SPINK8: variants seen among roughly 807,000 people sequenced by gnomAD.
SPINK8 encodes serine peptidase inhibitor Kazal type 8 (putative), also known as serine protease inhibitor Kazal-type 8.
Under a neutral mutation model 14.4 loss-of-function variants are expected in SPINK8, and 12 were observed. That is an observed-to-expected ratio of 0.83 (90% CI 0.53 to 1.35). SPINK8 has a LOEUF of 1.35. SPINK8 is among the 40% of genes most tolerant of loss of function. The probability of loss-of-function intolerance (pLI) is 0.00; values close to 1 mark genes in which losing one functional copy is unlikely to be tolerated. For missense variants in SPINK8, 103 were observed against 117.0 expected (o/e 0.88, Z 0.55); for synonymous variants, 32 against 37.6 (o/e 0.85, Z 0.55).
Position 48,329,146 on chromosome 3 carries a change from A to G in SPINK8, c.-14+7T>C, listed in dbSNP as rs1232505612. Among the ~76,000 whole-genome samples the G allele has an allele frequency of 6.6e-6, 1 of 152,212 alleles. No homozygotes were observed. The highest frequency in any genetic ancestry group is 6.5e-5 in the Admixed American group (1 of 15,284). On this transcript the variant is annotated splice_region_variant and intron_variant, in intron 3 of 7. Coordinates refer to ENST00000434006, the MANE Select transcript of SPINK8 (RefSeq NM_001080525.3). The stretch of plus-strand genomic sequence containing the variant: ...TAAAAGTTTGCAAATTAAGAAGTCC[A>G]CTTTACCTGCTGTGACTCCCATGGT...
intron 7 of SPINK8, 67 bp from the exon 8 acceptor site, chr3:48,307,070 G>C: frequency 6.8e-7 from 1 of 1,476,484 alleles, no homozygotes; most frequent in Admixed American, 1.8e-5. Flanking sequence ...CACCACACTG[G>C]TAAACACAAC....
At chr3:48,308,764 T>G (rs2035883641) in intron 7 of SPINK8, among the ~76,000 whole-genome samples, 1 of 152,256 alleles carries the variant, frequency 6.6e-6, no homozygotes, top group Non-Finnish European at 1.5e-5. Context: ...TAGAACACTT[T>G]GAACACCATT....
Position 48,329,225 on chromosome 3 carries a change from T to C in SPINK8, c.-86A>G, listed in dbSNP as rs992732305. On this transcript the variant is annotated 5_prime_UTR_variant, in exon 3 of 8. Transcript: ENST00000434006. Reference sequence around the variant, plus strand: ...GTTTTTGTTGATAGTTTGTTCATAATGAACTAGGAAGGAAGGCAAAGCTTA... The same window carrying C: ...GTTTTTGTTGATAGTTTGTTCATAACGAACTAGGAAGGAAGGCAAAGCTTA... Among the ~76,000 whole-genome samples, 1 of 152,244 alleles carries C rather than the reference T, an allele frequency of 6.6e-6. No individual in the cohort carries two copies. The highest frequency in any genetic ancestry group is 2.4e-5 in the African/African-American group (1 of 41,460).
intron 2 of SPINK8, among the ~76,000 whole-genome samples, chr3:48,330,416 G>A (rs1335186488): frequency 6.6e-6 from 1 of 152,146 alleles, no homozygotes; most frequent in African/African-American, 2.4e-5. Context: ...CTACTCATGA[G>A]GCTGAGGCAT....
chr3:48,326,468 A>G (rs1009815926), intron 4 of SPINK8, among the ~76,000 whole-genome samples: 13 of 152,144 alleles, frequency 8.5e-5, no homozygotes, highest in Non-Finnish European at 1.5e-4. Context: ...TTAGCTGGGC[A>G]TGATGGCAGA....
chr3:48,308,023 G>A (rs938285121), intron 7 of SPINK8, among the ~76,000 whole-genome samples: 2 of 137,742 alleles, frequency 1.5e-5, no homozygotes, highest in Admixed American at 1.6e-4. Context: ...GCCCAGGCTG[G>A]AGTGCAGTGG....
Position 48,319,681 on chromosome 3 carries a change from T to C in SPINK8, c.118-63A>G, listed in dbSNP as rs944625140. 4.4e-5 allele frequency: 70 copies of C among 1,603,108 alleles called. No homozygotes were observed. The African/African-American group carries it at 8.3e-4, about 19-fold the overall frequency. The stretch of plus-strand genomic sequence containing the variant: ...CATCCAGGTCCTTTGGCCGTTATTA[T>C]GTATAGCTTGGGAGGTGGATGGAAT... On this transcript the variant is annotated intron_variant, in intron 5 of 7. Coordinates refer to ENST00000434006, the MANE Select transcript of SPINK8 (RefSeq NM_001080525.3).
At chr3:48,321,641 C>T (rs957927898) in intron 4 of SPINK8, among the ~76,000 whole-genome samples, 1 of 151,738 alleles carries the variant, frequency 6.6e-6, no homozygotes, top group Non-Finnish European at 1.5e-5. Context: ...TGGTGAAACC[C>T]TGTCTCTACT....
chr3:48,326,127 C>T (rs892728287), intron 4 of SPINK8, among the ~76,000 whole-genome samples: 2 of 151,932 alleles, frequency 1.3e-5, no homozygotes, highest in African/African-American at 2.4e-5. Flanking sequence ...ATGTTGACGA[C>T]GTGTCCTTCT....
At chr3:48,328,581 A>G (rs973376893) in intron 3 of SPINK8, among the ~76,000 whole-genome samples, 2 of 152,242 alleles carry the variant, frequency 1.3e-5, no homozygotes, top group Non-Finnish European at 1.5e-5. Context: ...AGATGCCAGA[A>G]AAAGAGTTAG....
At chr3:48,319,965 C>T (rs2036049215) in intron 5 of SPINK8, among the ~76,000 whole-genome samples, 1 of 151,292 alleles carries the variant, frequency 6.6e-6, no homozygotes, top group South Asian at 2.1e-4. Flanking sequence ...CCCATCTCTA[C>T]TAAAAATACA....
At chr3:48,317,231 G>A (rs550633971) in intron 6 of SPINK8, among the ~76,000 whole-genome samples, 2 of 152,196 alleles carry the variant, frequency 1.3e-5, no homozygotes, top group East Asian at 1.9e-4. Context: ...GCTCATGCCT[G>A]TAATCCCAGC....
intron 3 of SPINK8, among the ~76,000 whole-genome samples, chr3:48,328,801 G>A (rs1485524781): frequency 6.6e-6 from 1 of 152,138 alleles, no homozygotes; most frequent in Non-Finnish European, 1.5e-5. Flanking sequence ...ACATGTGTAA[G>A]TCAACAGGCA....
At chr3:48,321,602 A>T (rs1258821034) in intron 4 of SPINK8, among the ~76,000 whole-genome samples, 4 of 151,614 alleles carry the variant, frequency 2.6e-5, no homozygotes, top group Non-Finnish European at 1.5e-5. Flanking sequence ...CCAGATTTTT[A>T]AAAAATGCTT....
chr3:48,323,742 A>G (rs1329250089), intron 4 of SPINK8, among the ~76,000 whole-genome samples: 3 of 152,180 alleles, frequency 2.0e-5, no homozygotes, highest in African/African-American at 7.2e-5. Context: ...GTTAAAATCA[A>G]TTCACTCCAA....
chr3:48,311,667 A>G (rs1226126786), intron 6 of SPINK8, among the ~76,000 whole-genome samples: 1 of 152,234 alleles, frequency 6.6e-6, no homozygotes, highest in Non-Finnish European at 1.5e-5. Context: ...GAAAATACTT[A>G]GTAAGAATCC....
Position 48,319,601 on chromosome 3 carries a change from A to G in SPINK8, c.135T>C (p.Asn45=), listed in dbSNP as rs1033094027. The change falls in exon 6 of 8, where the codon AAT becomes AAC. Residue 45 remains asparagine (N), a synonymous_variant. Coordinates refer to ENST00000434006, the MANE Select transcript of SPINK8 (RefSeq NM_001080525.3). The part of the protein sequence containing the change: ...LDKTIVECLK[N]VNKCWFLSYI... Reference sequence around the variant, plus strand: ...AGGATAAAAACCAGCACTTATTTACATTCTTGAGGCATTCAACCTGAAGGT... The same window carrying G: ...AGGATAAAAACCAGCACTTATTTACGTTCTTGAGGCATTCAACCTGAAGGT... 1.9e-6 allele frequency: 3 copies of G among 1,613,928 alleles called. No homozygotes were observed. The highest frequency in any genetic ancestry group is 1.7e-5 in the Admixed American group (1 of 60,018).
At chr3:48,314,026 G>T (rs1020912467) in intron 6 of SPINK8, among the ~76,000 whole-genome samples, 1 of 152,168 alleles carries the variant, frequency 6.6e-6, no homozygotes, top group Admixed American at 6.5e-5. Flanking sequence ...TGTTTTGAAA[G>T]TAATAAAGGT....
At chr3:48,326,295 CT>C (rs759934155) in intron 4 of SPINK8, among the ~76,000 whole-genome samples, 15 of 152,110 alleles carry the variant, frequency 9.9e-5, no homozygotes, top group Non-Finnish European at 1.5e-4. Flanking sequence ...CTGTTCCTAC[CT>C]TTTGAAACAT....
Sources: gnomAD v4.1 joint callset for allele counts (sites outside exome capture counted in the v4.1 genomes callset) on GRCh38, gnomAD v4.1.1 for gene constraint, MANE v1.5 for transcripts, NCBI Gene and HGNC (gene_info 2026-07-23, HGNC 2026-07-21) for gene names.